Variants in PPDPFL observed in about 807,000 individuals in gnomAD.
The protein encoded by PPDPFL is pancreatic progenitor cell differentiation and proliferation factor-like protein.
In PPDPFL, 12 loss-of-function variants were observed where a neutral mutation model predicts 12.6. The ratio of observed to expected loss-of-function variants is 0.95; its 90% CI spans 0.61 to 1.54. PPDPFL has a LOEUF of 1.54. Among genes scored for constraint, PPDPFL ranks in the 40% most tolerant of loss-of-function variants. The pLI is 0.00. For synonymous variants in PPDPFL, 24 were observed against 32.7 expected (o/e 0.73, Z 0.91); for missense variants, 114 against 96.0 (o/e 1.19, Z -0.78).
At chr8:49,067,238 C>A (rs148459999) in intron 1 of PPDPFL, among the ~76,000 whole-genome samples, 6 of 152,232 alleles carry the variant, frequency 3.9e-5, no homozygotes, top group South Asian at 2.1e-4. Context: ...TTTTTGGCAA[C>A]CTTTTCTGCA....
intron 1 of PPDPFL, among the ~76,000 whole-genome samples, chr8:49,056,265 G>A (rs1204469155): frequency 6.6e-6 from 1 of 152,050 alleles, no homozygotes; most frequent in Non-Finnish European, 1.5e-5. Flanking sequence ...CAAGCATTTA[G>A]AGCACCCTTC....
upstream of PPDPFL, among the ~76,000 whole-genome samples, chr8:49,069,542 G>A (rs1432714473): frequency 6.6e-6 from 1 of 152,194 alleles, no homozygotes. Context: ...GTTGGTGGGA[G>A]TGGAAATTAG....
intron 1 of PPDPFL, among the ~76,000 whole-genome samples, chr8:49,055,991 C>T (rs1808106692): frequency 6.6e-6 from 1 of 152,122 alleles, no homozygotes; most frequent in Non-Finnish European, 1.5e-5. Flanking sequence ...ATTCTACTTG[C>T]TTGCACTTTT....
intron 1 of PPDPFL, 126 bp downstream of exon 1, chr8:49,072,608 T>G: frequency 2.3e-6 from 1 of 427,986 alleles, no homozygotes; most frequent in Non-Finnish European, 4.1e-6. Context: ...AATGTACTAC[T>G]TAATTGCATC....
intron 1 of PPDPFL, among the ~76,000 whole-genome samples, chr8:49,055,588 T>C (rs982624560): frequency 6.6e-6 from 1 of 152,180 alleles, no homozygotes; most frequent in Non-Finnish European, 1.5e-5. Context: ...CTTATATCTA[T>C]GAATAATGAA....
intron 1 of PPDPFL, 148 bp from the exon 2 acceptor site, chr8:49,072,639 G>T: frequency 4.3e-6 from 2 of 466,108 alleles, no homozygotes; most frequent in Non-Finnish European, 7.6e-6. Context: ...AGTATATTTG[G>T]TTGAACTTTT....
intron 1 of PPDPFL, among the ~76,000 whole-genome samples, chr8:49,055,452 T>C (rs890396390): frequency 6.6e-6 from 1 of 152,200 alleles, no homozygotes; most frequent in Non-Finnish European, 1.5e-5. Context: ...TGACTTCTAA[T>C]GTTAGGTTGA....
chr8:49,075,309 C>T lies in PPDPFL; in HGVS notation c.*136C>T, dbSNP rs550656226. 2.8e-5 allele frequency: 43 copies of T among 1,561,192 alleles called. No individual in the cohort carries two copies. Among genetic ancestry groups the T allele is most frequent in the South Asian group, 4.4e-5 (4 of 89,996 alleles). ...CCATACATGAACAGCTCCCCTTCAGCGCCCCAGCTATTCCAGGACTCTTCT... is the reference window on the plus strand; with the variant it reads ...CCATACATGAACAGCTCCCCTTCAGTGCCCCAGCTATTCCAGGACTCTTCT... On this transcript the variant is annotated 3_prime_UTR_variant, in exon 5 of 5. Transcript: ENST00000522267.
Position 49,066,828 on chromosome 8 carries a change from G to A in PPDPFL, c.-44-5959G>A, listed in dbSNP as rs974745837. 3.3e-5 allele frequency among the ~76,000 whole-genome samples: 5 copies of A among 152,208 alleles called. No homozygotes were observed. In the South Asian group the frequency reaches 1.0e-3, roughly 32 times the overall value. ...CTGGCCCTTGAGATGTGTGGCTGTGGCAATTTTAGCTCCAGTGCCATGGGA... is the reference window on the plus strand; with the variant it reads ...CTGGCCCTTGAGATGTGTGGCTGTGACAATTTTAGCTCCAGTGCCATGGGA... On this transcript the variant is annotated intron_variant, in intron 1 of 4. Coordinates refer to the PPDPFL transcript ENST00000517663.
At chr8:49,059,797 T>C (rs544679789) in intron 1 of PPDPFL, among the ~76,000 whole-genome samples, 1 of 152,364 alleles carries the variant, frequency 6.6e-6, no homozygotes, top group East Asian at 1.9e-4. Flanking sequence ...TACTATGTTA[T>C]AATGTATTTG....
intron 1 of PPDPFL, among the ~76,000 whole-genome samples, chr8:49,057,323 C>T (rs1430222403): frequency 6.6e-6 from 1 of 152,008 alleles, no homozygotes; most frequent in African/African-American, 2.4e-5. Flanking sequence ...CTTTCTTTTC[C>T]TCCTAATAAG....
intron 1 of PPDPFL, among the ~76,000 whole-genome samples, chr8:49,058,822 G>A (rs1233856778): frequency 6.6e-6 from 1 of 152,150 alleles, no homozygotes; most frequent in East Asian, 1.9e-4. Context: ...CTGTCATTGT[G>A]CATCTCCTCA....
chr8:49,064,477 G>T (rs1808262001), intron 1 of PPDPFL, among the ~76,000 whole-genome samples: 1 of 152,062 alleles, frequency 6.6e-6, no homozygotes, highest in Non-Finnish European at 1.5e-5. Flanking sequence ...ATGCTCCTCA[G>T]GGATGAACTT....
At chr8:49,072,915 A>G (rs1335786372) in intron 2 of PPDPFL, 30 bp downstream of exon 2, 1 of 1,565,392 alleles carries the variant, frequency 6.4e-7, no homozygotes. Flanking sequence ...AGACGTCCCT[A>G]GATAATATGA....
chr8:49,055,523 A>G (rs1014353251), intron 1 of PPDPFL, among the ~76,000 whole-genome samples: 5 of 152,174 alleles, frequency 3.3e-5, no homozygotes, highest in Non-Finnish European at 2.9e-5. Flanking sequence ...ACCATCAGGT[A>G]ATCCCATTTA....
At chr8:49,067,269 T>G (rs1808314182) in intron 1 of PPDPFL, among the ~76,000 whole-genome samples, 2 of 152,356 alleles carry the variant, frequency 1.3e-5, no homozygotes, top group Middle Eastern at 3.4e-3. Context: ...AATGAAACAG[T>G]GTTTTAATGC....
At chr8:49,065,339 T>A (rs1210974910) in intron 1 of PPDPFL, among the ~76,000 whole-genome samples, 1 of 152,162 alleles carries the variant, frequency 6.6e-6, no homozygotes, top group Non-Finnish European at 1.5e-5. Flanking sequence ...CTCTGTGGCT[T>A]TCTAGATGGT....
Position 49,074,155 on chromosome 8 carries a change from C to G in PPDPFL, c.133+19C>G. 6.2e-7 allele frequency: 1 copy of G among 1,604,330 alleles called. No homozygotes were observed. Among genetic ancestry groups the G allele is most frequent in the Non-Finnish European group, 8.5e-7 (1 of 1,171,530 alleles). ...CAGCAAGGTACTTAGTTATTTCTTT[C>G]AGTGTCATCCTTATTATTTCTTTTT... On this transcript the variant is annotated intron_variant, in intron 3 of 4. Transcript: ENST00000522267.
At chr8:49,064,141 C>T (rs1292305931) in intron 1 of PPDPFL, among the ~76,000 whole-genome samples, 4 of 152,176 alleles carry the variant, frequency 2.6e-5, no homozygotes, top group East Asian at 3.9e-4. Context: ...TGCAAAAAAA[C>T]ATTCCAGAGG....
Sources: gnomAD v4.1 joint callset for allele counts (sites outside exome capture counted in the v4.1 genomes callset) on GRCh38, gnomAD v4.1.1 for gene constraint, MANE v1.5 for transcripts, NCBI Gene and HGNC (gene_info 2026-07-23, HGNC 2026-07-21) for gene names.